The following USP9X variants were observed in gnomAD, a reference collection of about 807,000 sequenced individuals.
USP9X encodes ubiquitin carboxyl-terminal hydrolase 9X.
Under a neutral mutation model 190.3 loss-of-function variants are expected in USP9X, and 7 were observed. The ratio of observed to expected loss-of-function variants is 0.04; its 90% CI spans 0.02 to 0.07. USP9X has a LOEUF of 0.07. Among genes scored for constraint, USP9X ranks in the 10% least tolerant of loss-of-function variants. The probability of loss-of-function intolerance (pLI) is 1.00; values close to 1 mark genes in which losing one functional copy is unlikely to be tolerated. For missense variants in USP9X, 1,010 were observed against 1,916.9 expected (o/e 0.53, Z 8.83); for synonymous variants, 645 against 659.5 (o/e 0.98, Z 0.34).
intron 1 of USP9X, among the ~76,000 whole-genome samples, chrX:41,107,950 T>C (rs769472003): frequency 2.7e-5 from 3 of 112,533 alleles, no homozygotes; most frequent in Middle Eastern, 4.6e-3. Flanking sequence ...AGAGCTGTTT[T>C]TGAGGTCTCT....
At chrX:41,187,140 G>A (rs927706789) in intron 24 of USP9X, among the ~76,000 whole-genome samples, 4 of 112,102 alleles carry the variant, frequency 3.6e-5, no homozygotes, top group Admixed American at 9.4e-5. Context: ...GCCCAGATTC[G>A]GTGAATTTTG....
chrX:41,140,662 C>T lies in USP9X; in HGVS notation c.661C>T (p.Leu221=), dbSNP rs1601965381. 3.3e-6 allele frequency: 4 copies of T among 1,199,003 alleles called. No individual in the cohort carries two copies. The highest frequency in any genetic ancestry group is 4.5e-6 in the Non-Finnish European group (4 of 887,940). ...TTCATTAATTGTGTTACAGGGTTGG[C>T]TAGTGGATCTTCTCAACAAATTTGG... The part of the protein sequence containing the change: ...SPDPRSPKGW[L]VDLLNKFGTL... The change falls in exon 7 of 45, where the codon CTA becomes TTA. Residue 221 remains leucine (L), a synonymous_variant. Coordinates refer to ENST00000378308, the MANE Select transcript of USP9X (RefSeq NM_001039591.3).
chrX:41,107,646 GCT>G (rs1467279645), intron 1 of USP9X, among the ~76,000 whole-genome samples: 1 of 111,651 alleles, frequency 9.0e-6, no homozygotes, highest in South Asian at 3.7e-4. Flanking sequence ...CGTTTCTGGG[GCT>G]CTCATTATGC....
At chrX:41,154,978 C>T (rs778135713) in intron 14 of USP9X, among the ~76,000 whole-genome samples, 2 of 111,772 alleles carry the variant, frequency 1.8e-5, no homozygotes, top group African/African-American at 3.3e-5. Flanking sequence ...GTGGTAACAT[C>T]CACTAACATT....
intron 20 of USP9X, 43 bp downstream of exon 20, chrX:41,170,662 G>A (rs2062717482): frequency 2.6e-6 from 3 of 1,152,805 alleles, no homozygotes. Context: ...AAGGCATCAT[G>A]CTAGGGTTTT....
At chrX:41,097,688 A>G (rs890182890) in intron 1 of USP9X, among the ~76,000 whole-genome samples, 2 of 112,288 alleles carry the variant, frequency 1.8e-5, no homozygotes, top group African/African-American at 3.2e-5. Context: ...CAAATCTCCT[A>G]TCTGGCTTAA....
At chrX:41,102,054 CTG>C (rs1264117306) in intron 1 of USP9X, among the ~76,000 whole-genome samples, 2 of 111,302 alleles carry the variant, frequency 1.8e-5, no homozygotes, top group Admixed American at 9.6e-5. Context: ...AAAAAGTAAT[CTG>C]AGATCGATTT....
rs1555929612 is a variant in USP9X at position 41,198,616 on chromosome X, C to G, written c.4469C>G (p.Pro1490Arg). 1 of 1,209,815 alleles carries G rather than the reference C, an allele frequency of 8.3e-7. No individual in the cohort carries two copies. The highest frequency in any genetic ancestry group is 1.7e-5 in the African/African-American group (1 of 57,231). The change falls in exon 30 of 45, where the codon CCG becomes CGG. Residue 1490 changes from proline (P) to arginine (R), a missense_variant. Transcript: ENST00000378308. ...NGELPAEQAIPVCGSPPTINA... is the reference protein window; with the variant it reads ...NGELPAEQAIRVCGSPPTINA... ...GAGCTTCCAGCTGAACAGGCTATTC[C>G]GGTCTGTGGTTCACCACCTACAATT...
Position 41,150,939 on chromosome X carries a change from A to G in USP9X, c.1645A>G (p.Ile549Val), listed in dbSNP as rs761218072. 8.3e-7 allele frequency: 1 copy of G among 1,206,671 alleles called. No individual in the cohort carries two copies. The highest frequency in any genetic ancestry group is 1.7e-5 in the African/African-American group (1 of 57,787). ...SCSQDRDTQK[I>V]QWIDRFIEEL... ...GTTTAAGGACCGTGATACACAAAAG[A>G]TCCAATGGATAGATCGCTTTATAGA... Residue 549 changes from isoleucine to valine, a missense_variant, in exon 13 of 45, where the codon ATC (isoleucine) becomes GTC (valine). Ile to Val is a conservative substitution (Grantham distance 29, BLOSUM62 3). Transcript: ENST00000378308.
intron 12 of USP9X, among the ~76,000 whole-genome samples, chrX:41,148,809 A>G (rs759360179): frequency 8.9e-6 from 1 of 112,322 alleles, no homozygotes; most frequent in African/African-American, 3.2e-5. Context: ...CAGATTATAC[A>G]GTGGTGGCAT....
chrX:41,163,684 C>T (rs1458316362), intron 15 of USP9X, among the ~76,000 whole-genome samples: 2 of 105,208 alleles, frequency 1.9e-5, no homozygotes, highest in East Asian at 3.0e-4. Flanking sequence ...ACCTCGGAGG[C>T]GGAGGTTGCA....
chrX:41,205,156 A>T lies in USP9X; in HGVS notation c.4825-147A>T, dbSNP rs2063079772. On this transcript the variant is annotated intron_variant, in intron 31 of 44. Transcript: ENST00000378308. Reference sequence around the variant, plus strand: ...AATATGTGAAATGGTGGGGATAAACACTAAATAACTAAAAATTTATAAATT... The same window carrying T: ...AATATGTGAAATGGTGGGGATAAACTCTAAATAACTAAAAATTTATAAATT... 8.2e-6 allele frequency: 3 copies of T among 363,882 alleles called. No homozygotes were observed. The African/African-American group carries it at 1.1e-4, about 13-fold the overall frequency. 30.0% of individuals were successfully genotyped at this position (363,882 alleles called of 1,213,427 possible). A position where few individuals can be genotyped will look rare whatever the true frequency, so the allele number is the denominator to read the frequency against.
In USP9X at chrX:41,218,587, C is replaced by T. The variant is rs752390285; in HGVS notation, c.6425C>T (p.Pro2142Leu). The part of the protein sequence containing the change: ...PCPSPFASPG[P>L]SSQAYDNLSL... ...CCTTCACCTTTTGCCTCTCCTGGAC[C>T]TTCTAGTCAGGTAATTGCACAGCTT... is the stretch of plus-strand genomic sequence containing the variant. Residue 2142 changes from proline (P) to leucine (L), a missense_variant, in exon 37 of 45, where the codon CCT becomes CTT. Pro to Leu is a moderately conservative substitution (Grantham distance 98). Around this residue, in one of 11 missense-constraint regions of USP9X, gnomAD observed 121 missense variants for 281.2 expected, o/e 0.43. Coordinates refer to ENST00000378308, the MANE Select transcript of USP9X (RefSeq NM_001039591.3). 2 of 1,204,955 alleles carry T rather than the reference C, an allele frequency of 1.7e-6. No homozygotes were observed. Among genetic ancestry groups the T allele is most frequent in the Non-Finnish European group, 2.2e-6 (2 of 889,748 alleles).
chrX:41,125,718 T>TCTCTCTCGCGCG (rs1176200100), intron 2 of USP9X, among the ~76,000 whole-genome samples: 7 of 99,215 alleles, frequency 7.1e-5, no homozygotes, highest in African/African-American at 2.9e-4. Flanking sequence ...TCTCTCTCTC[T>TCTCTCTCGCGCG]CGCGCACGCG....
intron 1 of USP9X, among the ~76,000 whole-genome samples, chrX:41,102,161 G>A (rs989075559): frequency 1.8e-5 from 2 of 111,761 alleles, no homozygotes; most frequent in Non-Finnish European, 3.8e-5. Context: ...GATCTCAAGG[G>A]TGTTATTTTA....
chrX:41,149,174 CTA>C (rs932015722), intron 12 of USP9X, among the ~76,000 whole-genome samples: 1 of 111,770 alleles, frequency 8.9e-6, no homozygotes, highest in Non-Finnish European at 1.9e-5. Context: ...CAGGTTTTGA[CTA>C]TGTTTACTTG....
chrX:41,222,689 G>A (rs956128214), intron 38 of USP9X, among the ~76,000 whole-genome samples: 8 of 110,726 alleles, frequency 7.2e-5, no homozygotes, highest in African/African-American at 2.0e-4. Context: ...AGGCCAAGGC[G>A]GGCAGATCAT....
At chrX:41,127,646 G>A (rs995109893) in intron 2 of USP9X, among the ~76,000 whole-genome samples, 5 of 112,037 alleles carry the variant, frequency 4.5e-5, no homozygotes, top group Non-Finnish European at 9.4e-5. Context: ...CACCTGCACA[G>A]TTTTACTGTG....
chrX:41,131,030 CTG>C (rs1470454634), intron 3 of USP9X, among the ~76,000 whole-genome samples: 2 of 108,913 alleles, frequency 1.8e-5, no homozygotes, highest in East Asian at 5.7e-4. Context: ...CCGGGCAACC[CTG>C]TCTCTTACCA....
Sources: allele counts gnomAD v4.1 joint callset (sites outside exome capture counted in the v4.1 genomes callset), GRCh38; gene constraint gnomAD v4.1.1; regional missense constraint gnomAD v4.1.1; transcripts MANE v1.5; gene names NCBI Gene and HGNC (gene_info 2026-07-23, HGNC 2026-07-21).